PARP2: variants seen among roughly 807,000 people sequenced by gnomAD.
PARP2 encodes the protein poly [ADP-ribose] polymerase 2.
In PARP2, 57 loss-of-function variants were observed where a neutral mutation model predicts 77.8. The observed-to-expected ratio is 0.73, with a 90% CI of 0.59 to 0.91. The LOEUF (loss-of-function observed/expected upper bound fraction) is 0.91, where lower values mean the gene tolerates loss of function less well. Among genes scored for constraint, PARP2 ranks in the 40% least tolerant of loss-of-function variants. The pLI is 0.00. For missense variants in PARP2, 651 were observed against 689.0 expected (o/e 0.94, Z 0.62); for synonymous variants, 226 against 242.6 (o/e 0.93, Z 0.64).
At chr14:20,346,720 G>C in intron 3 of PARP2, 143 bp from the exon 4 acceptor site, 1 of 633,610 alleles carries the variant, frequency 1.6e-6, no homozygotes, top group South Asian at 1.9e-5. Context: ...GTAGAACATA[G>C]GTTTGCAATT....
intron 7 of PARP2, 131 bp downstream of exon 7, chr14:20,352,478 G>A (rs925553611): frequency 5.4e-6 from 3 of 558,488 alleles, no homozygotes; most frequent in Middle Eastern, 4.7e-4. Context: ...AGATCCTCAG[G>A]CTCAAGTGAT....
chr14:20,345,122 C>T, intron 2 of PARP2, 35 bp downstream of exon 2: 1 of 1,611,558 alleles, frequency 6.2e-7, no homozygotes, highest in Non-Finnish European at 8.5e-7. Context: ...GCAAAAGGGT[C>T]TCTGGTAGGA....
Position 20,350,887 on chromosome 14 carries a change from A to C in PARP2, c.422-160A>C, listed in dbSNP as rs573016255. On this transcript the variant is annotated intron_variant, in intron 5 of 15. Transcript: ENST00000429687. ...GCTAGTAGTGCTCATAGACTATGGC[A>C]GTTAGCAAGTAACTTGTATCAACAT... 1.4e-5 allele frequency: 9 copies of C among 632,378 alleles called. No homozygotes were observed. In the South Asian group the frequency reaches 1.8e-4, roughly 12 times the overall value. The allele number at this position is 632,378 out of a possible 1,614,324, so 39.2% of individuals were successfully genotyped here. A position where few individuals can be genotyped will look rare whatever the true frequency, so the allele number is the denominator to read the frequency against.
At chr14:20,348,816 TCAAGACC>T in intron 4 of PARP2, among the ~76,000 whole-genome samples, 1 of 151,696 alleles carries the variant, frequency 6.6e-6, no homozygotes, top group Non-Finnish European at 1.5e-5. Flanking sequence ...GGTCGGGAGT[TCAAGACC>T]AGCCTGACCA....
Position 20,355,900 on chromosome 14 carries a change from T to G in PARP2, c.970T>G (p.Leu324Val). The G allele has an allele frequency of 6.2e-7, 1 of 1,614,198 alleles. No individual in the cohort carries two copies. Among genetic ancestry groups the G allele is most frequent in the Non-Finnish European group, 8.5e-7 (1 of 1,180,026 alleles). The stretch of plus-strand genomic sequence containing the variant: ...ATTCTATATCTCATCTTCTCAGGCT[T>G]TGGGAGACATTGAAATTGCTATTAA... ...LSEKIQLLEA[L>V]GDIEIAIKLV... Residue 324 changes from leucine (L) to valine (V), a missense_variant, in exon 11 of 16, where the codon TTG (leucine) becomes GTG (valine). Leu to Val is a conservative substitution (Grantham distance 32). Coordinates refer to ENST00000429687, the MANE Select transcript of PARP2 (RefSeq NM_001042618.2).
chr14:20,356,723 G>A, intron 13 of PARP2, 34 bp downstream of exon 13: 2 of 1,452,226 alleles, frequency 1.4e-6, no homozygotes, highest in Non-Finnish European at 1.9e-6. Context: ...GGAGCACAGG[G>A]GAAAGGGATA....
chr14:20,351,171 AT>A (rs771936863), intron 6 of PARP2, 49 bp downstream of exon 6: 2 of 1,457,782 alleles, frequency 1.4e-6, no homozygotes, highest in Non-Finnish European at 1.9e-6. Context: ...CTCTTCTTAG[AT>A]GTATATTCTC....
intron 7 of PARP2, among the ~76,000 whole-genome samples, chr14:20,353,728 A>C (rs993224290): frequency 2.0e-5 from 3 of 152,192 alleles, no homozygotes; most frequent in African/African-American, 7.2e-5. Flanking sequence ...AAAATGGAGA[A>C]GTTTTAGTCT....
At chr14:20,350,502 TG>T in intron 4 of PARP2, 23 bp from the exon 5 acceptor site, 1 of 1,326,808 alleles carries the variant, frequency 7.5e-7, no homozygotes, top group South Asian at 1.3e-5. Context: ...TCCTTTTTTT[TG>T]TTTTTGTTTT....
At chr14:20,352,422 C>T in intron 7 of PARP2, 75 bp downstream of exon 7, 1 of 907,436 alleles carries the variant, frequency 1.1e-6, no homozygotes, top group Non-Finnish European at 1.7e-6. Flanking sequence ...AAACTGTGCT[C>T]TGTTGCCCAG....
chr14:20,343,895 A>G (rs1883609454), intron 1 of PARP2, among the ~76,000 whole-genome samples: 1 of 152,350 alleles, frequency 6.6e-6, no homozygotes, highest in South Asian at 2.1e-4. Flanking sequence ...AGCTGTAACA[A>G]CTAATGTGCC....
intron 5 of PARP2, 116 bp downstream of exon 5, chr14:20,350,738 G>T (rs957689688): frequency 2.9e-6 from 2 of 683,514 alleles, no homozygotes; most frequent in African/African-American, 1.8e-5. Flanking sequence ...CTGAAGTCTG[G>T]GAGAGCCTTA....
At chr14:20,353,634 A>G (rs531712406) in intron 7 of PARP2, among the ~76,000 whole-genome samples, 1 of 152,226 alleles carries the variant, frequency 6.6e-6, no homozygotes, top group African/African-American at 2.4e-5. Context: ...ACTTCTGGAT[A>G]TATACCACCA....
rs772105767 is a variant in PARP2 at position 20,346,863 on chromosome 14, G to A, written c.274G>A (p.Ala92Thr). 2 of 1,598,922 alleles carry A rather than the reference G, an allele frequency of 1.3e-6. No individual in the cohort carries two copies. Among genetic ancestry groups the A allele is most frequent in the Non-Finnish European group, 8.6e-7 (1 of 1,168,704 alleles). The part of the protein sequence containing the change: ...DPECTAKVGK[A>T]HVYCEGNDVY... ...ATTTTTTCTCTCTCTCCCTTTCTAG[G>A]CTCATGTGTATTGTGAAGGAAATGA... The change falls in exon 4 of 16, where the codon GCT becomes ACT. Residue 92 changes from alanine to threonine, a missense_variant and splice_region_variant. Physicochemically the swap from Ala to Thr is moderately conservative, Grantham distance 58. Coordinates refer to ENST00000429687, the MANE Select transcript of PARP2 (RefSeq NM_001042618.2).
intron 8 of PARP2, 100 bp downstream of exon 8, chr14:20,354,347 T>A: frequency 1.0e-6 from 1 of 1,004,026 alleles, no homozygotes. Flanking sequence ...CTCATAGTAC[T>A]GAATGAAGAA....
rs562109017 is a variant in PARP2 at position 20,354,109 on chromosome 14, G to A, written c.625G>A (p.Glu209Lys). The change falls in exon 8 of 16, where the codon GAA (glutamate) becomes AAA (lysine). Residue 209 changes from glutamate (E) to lysine (K), a missense_variant. Glu to Lys is a moderately conservative substitution (Grantham distance 56, BLOSUM62 1). Coordinates refer to ENST00000429687, the MANE Select transcript of PARP2 (RefSeq NM_001042618.2). ...GGATGAAGAGGAAACAAAGAAAGAG[G>A]AATCTCTTAAATCTCCCTTGAAGCC... is the stretch of plus-strand genomic sequence containing the variant. ...TQDEEETKKEESLKSPLKPES... is the reference protein window; with the variant it reads ...TQDEEETKKEKSLKSPLKPES... 5.0e-6 allele frequency: 8 copies of A among 1,612,992 alleles called. No individual in the cohort carries two copies. In the African/African-American group the frequency reaches 5.3e-5, roughly 11 times the overall value.
intron 4 of PARP2, among the ~76,000 whole-genome samples, chr14:20,347,371 TATATATATATATATATATATATA>T (rs1883782545): frequency 6.5e-5 from 1 of 15,436 alleles, no homozygotes; most frequent in African/African-American, 2.2e-4. Context: ...TATATATATA[TATATATATATATATATATATATA>T]TATATTTTTT....
At chr14:20,350,320 C>T (rs1323339291) in intron 4 of PARP2, among the ~76,000 whole-genome samples, 2 of 152,188 alleles carry the variant, frequency 1.3e-5, no homozygotes, top group Non-Finnish European at 2.9e-5. Flanking sequence ...TAGGCTCCCA[C>T]TTTAATTCCT....
Position 20,350,539 on chromosome 14 carries a change from T to TC in PARP2, c.339dup (p.Asn114GlnfsTer14), listed in dbSNP as rs1324639524. 1.2e-6 allele frequency: 2 copies of TC among 1,603,642 alleles called. No individual in the cohort carries two copies. Among genetic ancestry groups the TC allele is most frequent in the African/African-American group, 2.7e-5 (2 of 74,740 alleles). On this transcript the variant is annotated frameshift_variant, in exon 5 of 16. Transcript: ENST00000429687. LOFTEE classifies it high-confidence loss of function. Reference sequence around the variant, plus strand: ...CACTCAACATAGACCAATCTCCAGTTCAACAACAACAAGTACTATCTGATT... The same window carrying TC: ...CACTCAACATAGACCAATCTCCAGTTCCAACAACAACAAGTACTATCTGATT...
Sources: gnomAD v4.1 joint callset for allele counts (sites outside exome capture counted in the v4.1 genomes callset) on GRCh38, gnomAD v4.1.1 for gene constraint, MANE v1.5 for transcripts, NCBI Gene and HGNC (gene_info 2026-07-23, HGNC 2026-07-21) for gene names.